Variants in CDH12 observed in about 807,000 individuals in gnomAD.
CDH12 encodes cadherin 12.
CDH12 carries 41 observed loss-of-function variants against 74.1 expected under a neutral mutation model. The observed-to-expected ratio is 0.55, with a 90% confidence interval of 0.43 to 0.72. CDH12 has a LOEUF of 0.72. CDH12 is among the 30% of genes least tolerant of loss of function. The pLI is 0.00. For synonymous variants in CDH12, 399 were observed against 355.0 expected (o/e 1.12, Z -1.39); for missense variants, 945 against 977.2 (o/e 0.97, Z 0.44).
chr5:22,677,763 A>C (rs185473234), intron 1 of CDH12, among the ~76,000 whole-genome samples: 5 of 152,186 alleles, frequency 3.3e-5, no homozygotes, highest in Admixed American at 6.5e-5. Context: ...CCTGCACATT[A>C]TTGTTTGTCT....
chr5:22,603,325 T>C (rs1000692144), intron 1 of CDH12, among the ~76,000 whole-genome samples: 2 of 152,154 alleles, frequency 1.3e-5, no homozygotes, highest in African/African-American at 4.8e-5. Context: ...AAAAATGAGA[T>C]GTTGAGTTTG....
intron 1 of CDH12, among the ~76,000 whole-genome samples, chr5:22,669,121 A>G (rs1740775882): frequency 6.6e-6 from 1 of 151,884 alleles, no homozygotes; most frequent in Admixed American, 6.6e-5. Flanking sequence ...GCCATTTTTC[A>G]TCAAAAATCC....
At chr5:22,107,503 A>T (rs10040683) in intron 4 of CDH12, among the ~76,000 whole-genome samples, 41 of 54,790 alleles carry the variant, frequency 7.5e-4, no homozygotes, top group African/African-American at 1.1e-3. Context: ...CACATATAAT[A>T]ATTATATGTG....
chr5:21,868,157 T>A (rs1298490863), intron 6 of CDH12, among the ~76,000 whole-genome samples: 1 of 150,410 alleles, frequency 6.6e-6, no homozygotes, highest in African/African-American at 2.5e-5. Context: ...CAATTAAACC[T>A]CTTTCTTTTG....
intron 3 of CDH12, among the ~76,000 whole-genome samples, chr5:22,357,155 T>G (rs981680720): frequency 1.3e-5 from 2 of 152,130 alleles, no homozygotes; most frequent in Non-Finnish European, 2.9e-5. Flanking sequence ...TACTTGTTTC[T>G]GACAAGGCAA....
At chr5:22,651,681 G>T (rs1739747199) in intron 1 of CDH12, among the ~76,000 whole-genome samples, 1 of 150,456 alleles carries the variant, frequency 6.6e-6, no homozygotes, top group African/African-American at 2.4e-5. Flanking sequence ...ATCAGCTAAG[G>T]AGTAGTTGAT....
intron 11 of CDH12, among the ~76,000 whole-genome samples, chr5:21,776,798 T>C (rs948283584): frequency 6.6e-6 from 1 of 152,218 alleles, no homozygotes; most frequent in Non-Finnish European, 1.5e-5. Context: ...GTGTCTTAAC[T>C]AATTCTCATC....
intron 4 of CDH12, among the ~76,000 whole-genome samples, chr5:22,097,561 C>G (rs888313268): frequency 2.0e-5 from 3 of 152,078 alleles, no homozygotes; most frequent in Non-Finnish European, 4.4e-5. Context: ...TTAAGCGCTC[C>G]TTTTTAGTTA....
chr5:22,231,231 T>C (rs1752371121), intron 3 of CDH12, among the ~76,000 whole-genome samples: 1 of 152,156 alleles, frequency 6.6e-6, no homozygotes, highest in African/African-American at 2.4e-5. Flanking sequence ...CAGTTTACAA[T>C]AGGGATTATA....
intron 5 of CDH12, among the ~76,000 whole-genome samples, chr5:21,985,469 A>G (rs1447439678): frequency 3.3e-5 from 5 of 152,174 alleles, no homozygotes; most frequent in East Asian, 3.9e-4. Flanking sequence ...ATAATCACAT[A>G]TAAGTGGTAA....
At chr5:22,495,431 G>A (rs913251005) in intron 2 of CDH12, among the ~76,000 whole-genome samples, 2 of 152,126 alleles carry the variant, frequency 1.3e-5, no homozygotes, top group South Asian at 2.1e-4. Flanking sequence ...TTAACAAGGT[G>A]GTGGGGCTAA....
chr5:22,499,539 T>C (rs530633060), intron 2 of CDH12, among the ~76,000 whole-genome samples: 1 of 152,272 alleles, frequency 6.6e-6, no homozygotes, highest in African/African-American at 2.4e-5. Flanking sequence ...GTTGATATAC[T>C]TTGAAATCAT....
chr5:22,769,081 TC>T (rs1401307989), intron 1 of CDH12, among the ~76,000 whole-genome samples: 1 of 152,144 alleles, frequency 6.6e-6, no homozygotes, highest in Non-Finnish European at 1.5e-5. Context: ...AAAAGAAGTT[TC>T]CCCCAGTGAT....
At chr5:22,275,207 T>C (rs1347942436) in intron 3 of CDH12, among the ~76,000 whole-genome samples, 1 of 152,014 alleles carries the variant, frequency 6.6e-6, no homozygotes. Context: ...GATGGGTTGA[T>C]GGGTGCAGCA....
At chr5:22,580,382 G>T in intron 1 of CDH12, 1 of 479,850 alleles carries the variant, frequency 2.1e-6, no homozygotes, top group South Asian at 1.6e-5. Context: ...AGTGCACGTG[G>T]TCCCCATCGT....
At chr5:22,840,084 T>C (rs758519490) in intron 1 of CDH12, among the ~76,000 whole-genome samples, 4 of 152,200 alleles carry the variant, frequency 2.6e-5, no homozygotes, top group Non-Finnish European at 4.4e-5. Context: ...TAAGCAAATA[T>C]ATAAGATGAC....
chr5:22,431,576 G>A (rs77669721), intron 2 of CDH12, among the ~76,000 whole-genome samples: 255 of 152,250 alleles, frequency 1.7e-3, no homozygotes, highest in African/African-American at 5.9e-3. Flanking sequence ...TTTACACAAC[G>A]TCAGGCAGGT....
At chr5:22,018,966 G>A (rs1263402189) in intron 5 of CDH12, among the ~76,000 whole-genome samples, 1 of 151,968 alleles carries the variant, frequency 6.6e-6, no homozygotes, top group Non-Finnish European at 1.5e-5. Context: ...CAGCTACTTG[G>A]GTGGAATTGC....
intron 2 of CDH12, among the ~76,000 whole-genome samples, chr5:22,458,653 A>G (rs1191723429): frequency 6.6e-6 from 1 of 152,216 alleles, no homozygotes; most frequent in South Asian, 2.1e-4. Context: ...CAAAATTGAT[A>G]TGCTTTCCAA....
Sources: gnomAD v4.1 joint callset for allele counts (sites outside exome capture counted in the v4.1 genomes callset) on GRCh38, gnomAD v4.1.1 for gene constraint, MANE v1.5 for transcripts, NCBI Gene and HGNC (gene_info 2026-07-23, HGNC 2026-07-21) for gene names.